The following DPP9 variants were observed in gnomAD, a reference collection of about 807,000 sequenced individuals.
The protein encoded by DPP9 is dipeptidyl peptidase 9.
DPP9 carries 50 observed loss-of-function variants against 110.7 expected under a neutral mutation model. The ratio of observed to expected loss-of-function variants is 0.45; its 90% confidence interval spans 0.36 to 0.57. The LOEUF is 0.57. Ranked by LOEUF, DPP9 falls within the 20% of genes least tolerant of loss-of-function variation. DPP9 has a pLI of 0.00. For synonymous variants in DPP9, 561 were observed against 514.4 expected, an observed-to-expected ratio of 1.09 and a Z score of -1.23; for missense variants, 1,022 against 1,217.9, an observed-to-expected ratio of 0.84 and a Z score of 2.39.
intron 13 of DPP9, among the ~76,000 whole-genome samples, chr19:4,692,657 G>A (rs998965723): frequency 1.3e-5 from 2 of 152,146 alleles, no homozygotes; most frequent in African/African-American, 2.4e-5. Flanking sequence ...GAGGGTCTGT[G>A]CCCCTGGAGA....
At position 4,690,940 on chromosome 19, in the gene DPP9, T is replaced by C. The variant is rs374242533; in HGVS notation, c.1534A>G (p.Ile512Val). ...SPGEDEFKCPIKEEIALTSGE... is the reference protein window; with the variant it reads ...SPGEDEFKCPVKEEIALTSGE... ...CTGGTCAGAGCAATCTCTTCCTTAA[T>C]GGGGCACTTAAATTCATCTGGAAAG... Residue 512 changes from isoleucine (I) to valine (V), a missense_variant, in exon 14 of 22, where the codon ATT becomes GTT. Physicochemically the swap from Ile to Val is conservative, Grantham distance 29 (BLOSUM62 3). Around this residue, in one of 3 missense-constraint regions of DPP9, gnomAD observed 810 missense variants for 920.6 expected, o/e 0.88. Coordinates refer to ENST00000262960, the MANE Select transcript of DPP9 (RefSeq NM_139159.5). The C allele has an allele frequency of 6.8e-6, 11 of 1,612,930 alleles. No homozygotes were observed. Among genetic ancestry groups the C allele is most frequent in the South Asian group, 1.1e-5 (1 of 90,812 alleles).
chr19:4,677,244 G>A (rs1238781622), intron 21 of DPP9, among the ~76,000 whole-genome samples: 1 of 152,134 alleles, frequency 6.6e-6, no homozygotes, highest in Admixed American at 6.5e-5. Context: ...GGATCCACAC[G>A]GGGATGCAGG....
rs1043875591 is a variant in DPP9 at position 4,700,550 on chromosome 19, G to A, written c.1013-273C>T. On this transcript the variant is annotated intron_variant, in intron 9 of 21. Coordinates refer to ENST00000262960, the MANE Select transcript of DPP9 (RefSeq NM_139159.5). The surrounding 1 kb of genome is among the most constrained non-coding windows in gnomAD (Gnocchi z 4.3). ...ATCTGGCTTTCTCATTTAAAAACAC[G>A]GGCCACACCCTGTGCTGAGAGCTGG... 2.0e-5 allele frequency among the ~76,000 whole-genome samples: 3 copies of A among 152,194 alleles called. No individual in the cohort carries two copies. The highest frequency in any genetic ancestry group is 4.8e-5 in the African/African-American group (2 of 41,448).
chr19:4,679,242 C>A (rs920814722), intron 21 of DPP9: 1 of 153,008 alleles, frequency 6.5e-6, no homozygotes, highest in Non-Finnish European at 1.5e-5. Context: ...AGAAGTCCCA[C>A]CCTCCTCGCC....
intron 4 of DPP9, among the ~76,000 whole-genome samples, chr19:4,708,157 C>T (rs1026527200): frequency 6.6e-6 from 1 of 152,148 alleles, no homozygotes; most frequent in African/African-American, 2.4e-5. Flanking sequence ...GAGCCTAGAA[C>T]ATTCCCAGGC....
At chr19:4,681,162 C>T (rs955316961) in intron 20 of DPP9, among the ~76,000 whole-genome samples, 10 of 152,274 alleles carry the variant, frequency 6.6e-5, no homozygotes, top group African/African-American at 2.4e-4. Flanking sequence ...CCCATTGAGA[C>T]AGAGCACAGA....
chr19:4,702,569 C>T, intron 8 of DPP9, 34 bp downstream of exon 8: 1 of 1,515,432 alleles, frequency 6.6e-7, no homozygotes, highest in Non-Finnish European at 9.0e-7. Context: ...GAAAAGCACG[C>T]CCGGGAGCAT....
chr19:4,703,816 G>A lies in DPP9; in HGVS notation c.769+70C>T, dbSNP rs561042949. The A allele has an allele frequency of 4.0e-5, 60 of 1,499,764 alleles. No homozygotes were observed. The East Asian group carries it at 4.7e-4, about 12-fold the overall frequency. The allele number at this position is 1,499,764 out of a possible 1,614,324, so 92.9% of individuals were successfully genotyped here. ...GTGTGCAGGAAGACCCTGGCTGTGGGGGCAATGGGGCCTTTCTGGAAGCTG... is the reference window on the plus strand; with the variant it reads ...GTGTGCAGGAAGACCCTGGCTGTGGAGGCAATGGGGCCTTTCTGGAAGCTG... On this transcript the variant is annotated intron_variant, in intron 7 of 21. Transcript: ENST00000262960.
chr19:4,701,139 T>C (rs78788550), intron 9 of DPP9, among the ~76,000 whole-genome samples: 2,816 of 152,226 alleles, frequency 0.018, 48 homozygotes, highest in African/African-American at 0.044. Flanking sequence ...TCTGTTTGGC[T>C]CCAGAGATAT....
At chr19:4,722,719 C>T (rs2093374964) in intron 1 of DPP9, 168 bp from the exon 2 acceptor site, 3 of 593,682 alleles carry the variant, frequency 5.1e-6, no homozygotes, top group Non-Finnish European at 9.0e-6. Flanking sequence ...TGGACAGAAT[C>T]TGGGAGAGAA....
Position 4,714,249 on chromosome 19 carries a change from G to T in DPP9, c.145C>A (p.Pro49Thr). ...DRGDAAATDD[P>T]AARFQVQKHS... ...TTCTGCACCTGGAAGCGGGCGGCCG[G>T]GTCATCTGTGGCGGCTGCGTCGCCT... Residue 49 changes from proline to threonine, a missense_variant, in exon 4 of 22, where the codon CCG becomes ACG. Around this residue, in one of 3 missense-constraint regions of DPP9, gnomAD observed 810 missense variants for 920.6 expected, o/e 0.88. Transcript: ENST00000262960. The T allele has an allele frequency of 6.3e-7, 1 of 1,587,640 alleles. No individual in the cohort carries two copies. The highest frequency in any genetic ancestry group is 8.6e-7 in the Non-Finnish European group (1 of 1,168,076).
At position 4,675,317 on chromosome 19, in the gene DPP9, A is replaced by G. The variant is rs904230204; in HGVS notation, c.*1247T>C. On this transcript the variant is annotated 3_prime_UTR_variant, in exon 22 of 22. Coordinates refer to ENST00000262960, the MANE Select transcript of DPP9 (RefSeq NM_139159.5). ...ATCGACAAAAATATTTTCTTTCCAT[A>G]ATATGTAGAGGTGGTTTGTTTCTTT... The G allele has an allele frequency of 6.6e-6, 1 of 152,222 alleles. No homozygotes were observed. Among genetic ancestry groups the G allele is most frequent in the African/African-American group, 2.4e-5 (1 of 41,330 alleles). The allele number at this position is 152,222 out of a possible 1,614,324, so 9.4% of individuals were successfully genotyped here. A position where few individuals can be genotyped will look rare whatever the true frequency, so the allele number is the denominator to read the frequency against.
intron 3 of DPP9, among the ~76,000 whole-genome samples, chr19:4,717,069 C>T (rs2093115013): frequency 6.6e-6 from 1 of 152,196 alleles, no homozygotes; most frequent in South Asian, 2.1e-4. Flanking sequence ...CTGGAGGTCC[C>T]TCTCCAACTC....
chr19:4,689,457 G>C lies in DPP9; in HGVS notation c.1749+113C>G. ...ACTGCCTGCCCCAAGGCAGCTATGA[G>C]AATGCGAGACCATGAGAATGACCCT... On this transcript the variant is annotated intron_variant, in intron 15 of 21. Coordinates refer to ENST00000262960, the MANE Select transcript of DPP9 (RefSeq NM_139159.5). This position sits in a 1 kb window ranked among gnomAD's most constrained non-coding sequence, Gnocchi z 7.0. 2 of 1,362,426 alleles carry C rather than the reference G, an allele frequency of 1.5e-6. No individual in the cohort carries two copies. The highest frequency in any genetic ancestry group is 9.8e-7 in the Non-Finnish European group (1 of 1,017,730). 84.4% of individuals were successfully genotyped at this position (1,362,426 alleles called of 1,614,324 possible). A position where few individuals can be genotyped will look rare whatever the true frequency, so the allele number is the denominator to read the frequency against.
intron 4 of DPP9, among the ~76,000 whole-genome samples, chr19:4,712,451 G>A (rs1441985733): frequency 6.6e-6 from 1 of 152,152 alleles, no homozygotes; most frequent in African/African-American, 2.4e-5. Context: ...CTGGAGGGCT[G>A]AGGTTGGGAT....
chr19:4,718,608 T>C lies in DPP9; in HGVS notation c.56+1243A>G, dbSNP rs1215234778. On this transcript the variant is annotated intron_variant, in intron 3 of 21. Coordinates refer to ENST00000262960, the MANE Select transcript of DPP9 (RefSeq NM_139159.5). The surrounding 1 kb of genome is among the most constrained non-coding windows in gnomAD (Gnocchi z 4.3). ...GCACTGCCTGGGCCTTTAGCTTTGA[T>C]GAGCAACCTTTACAGAGTCACCCAG... 6.6e-6 allele frequency among the ~76,000 whole-genome samples: 1 copy of C among 152,196 alleles called. No homozygotes were observed. The highest frequency in any genetic ancestry group is 2.4e-5 in the African/African-American group (1 of 41,448).
intron 21 of DPP9, among the ~76,000 whole-genome samples, chr19:4,677,373 A>G (rs1318630136): frequency 6.6e-6 from 1 of 152,036 alleles, no homozygotes; most frequent in Non-Finnish European, 1.5e-5. Flanking sequence ...CGTTCTCCAC[A>G]AAGAACCCCG....
intron 4 of DPP9, among the ~76,000 whole-genome samples, chr19:4,708,826 G>A (rs771600475): frequency 2.0e-5 from 3 of 152,176 alleles, no homozygotes; most frequent in Admixed American, 6.5e-5. Flanking sequence ...AATAACTATC[G>A]GGTACTAGCC....
In DPP9 at chr19:4,700,915, C is replaced by G. The variant is rs2092207530; in HGVS notation, c.1013-638G>C. ...TGGCTCTGGCCTCCAGGGCAGGTGA[C>G]ATCTCTGAGCCTGTTTTCTCATCTG... On this transcript the variant is annotated intron_variant, in intron 9 of 21. Coordinates refer to ENST00000262960, the MANE Select transcript of DPP9 (RefSeq NM_139159.5). The surrounding 1 kb of genome is among the most constrained non-coding windows in gnomAD (Gnocchi z 4.3). 6.6e-6 allele frequency among the ~76,000 whole-genome samples: 1 copy of G among 152,182 alleles called. No homozygotes were observed. The highest frequency in any genetic ancestry group is 1.5e-5 in the Non-Finnish European group (1 of 68,036).
Sources: gnomAD v4.1 joint callset for allele counts (sites outside exome capture counted in the v4.1 genomes callset) on GRCh38, gnomAD v4.1.1 for gene constraint, gnomAD v4.1.1 regional missense constraint, Gnocchi (gnomAD v3.1) non-coding constraint, MANE v1.5 for transcripts, NCBI Gene and HGNC (gene_info 2026-07-23, HGNC 2026-07-21) for gene names.